The following ATP8B4 variants were observed in gnomAD, a reference collection of about 807,000 sequenced individuals.
The protein encoded by ATP8B4 is probable phospholipid-transporting ATPase IM.
ATP8B4 carries 133 observed loss-of-function variants against 145.6 expected under a neutral mutation model. The ratio of observed to expected loss-of-function variants is 0.91; its 90% CI spans 0.79 to 1.05. The LOEUF is 1.05. ATP8B4 is among the 50% of genes least tolerant of loss of function. ATP8B4 has a pLI of 0.00. For missense variants in ATP8B4, 1,458 were observed against 1,425.2 expected (o/e 1.02, Z -0.37); for synonymous variants, 507 against 492.9 (o/e 1.03, Z -0.38).
At chr15:49,997,351 C>T (rs955158601) in intron 8 of ATP8B4, among the ~76,000 whole-genome samples, 2 of 152,080 alleles carry the variant, frequency 1.3e-5, no homozygotes, top group African/African-American at 4.8e-5. Flanking sequence ...ACAGATGGCT[C>T]TCTGATATTC....
chr15:50,102,958 T>G (rs574985466), intron 2 of ATP8B4, among the ~76,000 whole-genome samples: 88 of 152,240 alleles, frequency 5.8e-4, no homozygotes, highest in African/African-American at 2.0e-3. Context: ...TCAATAAATG[T>G]GATACACCAC....
At chr15:50,029,019 G>T (rs2050214944) in intron 6 of ATP8B4, among the ~76,000 whole-genome samples, 1 of 151,948 alleles carries the variant, frequency 6.6e-6, no homozygotes, top group African/African-American at 2.4e-5. Context: ...CGGATCATGA[G>T]GTCAGGAGAT....
In ATP8B4 at chr15:50,139,769, G is replaced by T. The variant is rs578243064; in HGVS notation, c.-42-32761C>A. Among the ~76,000 whole-genome samples the T allele has an allele frequency of 3.3e-5, 5 of 152,280 alleles. No homozygotes were observed. In the South Asian group the frequency reaches 1.0e-3, roughly 32 times the overall value. On this transcript the variant is annotated intron_variant, in intron 1 of 3. Coordinates refer to the ATP8B4 transcript ENST00000558829. ...AAATTCACTGACTATCCTGGAATAT[G>T]CATATTAGGGGAAGTAACTTCATGA...
chr15:49,907,095 C>A (rs2038705640), intron 20 of ATP8B4, among the ~76,000 whole-genome samples: 1 of 152,174 alleles, frequency 6.6e-6, no homozygotes, highest in Non-Finnish European at 1.5e-5. Flanking sequence ...GGAAAGCCAA[C>A]AACAACCCTA....
intron 16 of ATP8B4, among the ~76,000 whole-genome samples, chr15:49,929,431 T>G (rs1379246306): frequency 6.6e-6 from 1 of 152,090 alleles, no homozygotes; most frequent in Non-Finnish European, 1.5e-5. Flanking sequence ...TAGAAAGAAC[T>G]ATAGTTGTGA....
rs1267221467 is a variant in ATP8B4 at position 50,085,962 on chromosome 15, T to TTTA, written c.29-11780_29-11778dup. ...TTATATATGATATATATCATATATA[T>TTTA]TTATATATGATATATCAAATATATC... is the stretch of plus-strand genomic sequence containing the variant. On this transcript the variant is annotated intron_variant, in intron 2 of 27. Coordinates refer to ENST00000284509, the MANE Select transcript of ATP8B4 (RefSeq NM_024837.4). Among the ~76,000 whole-genome samples, 12 of 55,274 alleles carry TTTA rather than the reference T, an allele frequency of 2.2e-4. 2 individuals are homozygous for TTTA. The highest frequency in any genetic ancestry group is 1.1e-3 in the African/African-American group (12 of 10,904). The allele number at this position is 55,274 out of a possible 152,430, so 36.3% of individuals were successfully genotyped here.
Position 49,920,281 on chromosome 15 carries a change from C to G in ATP8B4, c.1888G>C (p.Ala630Pro). Residue 630 changes from alanine (A) to proline (P), a missense_variant, in exon 18 of 28, where the codon GCT becomes CCT. Physicochemically the swap from Ala to Pro is conservative, Grantham distance 27. Coordinates refer to ENST00000284509, the MANE Select transcript of ATP8B4 (RefSeq NM_024837.4). Reference protein sequence around the residue: ...AATEERDERIAGLYEEIERDL... With the variant: ...AATEERDERIPGLYEEIERDL... ...CTTTCAATTTCTTCATATAGCCCAG[C>G]TATTCGTTCATCCCTCTCTTCTGTG... 1 of 1,614,182 alleles carries G rather than the reference C, an allele frequency of 6.2e-7. No homozygotes were observed. The highest frequency in any genetic ancestry group is 8.5e-7 in the Non-Finnish European group (1 of 1,180,026).
intron 2 of ATP8B4, among the ~76,000 whole-genome samples, chr15:50,085,902 CATATATATTTATATATGATATATATCAT>C (rs2054909504): frequency 9.2e-5 from 6 of 65,220 alleles, no homozygotes; most frequent in Non-Finnish European, 2.0e-4. Context: ...TGATATATAT[CATATATATTTATATATGATATATATCAT>C]ATATATTTAT....
Position 50,136,257 on chromosome 15 carries a change from T to G in ATP8B4, c.-42-29249A>C, listed in dbSNP as rs1268704380. 2.0e-5 allele frequency among the ~76,000 whole-genome samples: 3 copies of G among 152,154 alleles called. No homozygotes were observed. In the East Asian group the frequency reaches 5.8e-4, roughly 29 times the overall value. On this transcript the variant is annotated intron_variant, in intron 1 of 3. Coordinates refer to the ATP8B4 transcript ENST00000558829. ...ACAACACTGTCATATAATTTTTAGA[T>G]TTTTCAAAGACTTCAAAGTTCACAG...
intron 20 of ATP8B4, among the ~76,000 whole-genome samples, chr15:49,911,713 A>G (rs116033390): frequency 2.0e-3 from 312 of 152,296 alleles, no homozygotes; most frequent in African/African-American, 7.0e-3. Context: ...AGGACATTTT[A>G]TCCAACACTT....
At chr15:49,923,879 G>A (rs921153046) in intron 16 of ATP8B4, among the ~76,000 whole-genome samples, 1 of 152,148 alleles carries the variant, frequency 6.6e-6, no homozygotes, top group African/African-American at 2.4e-5. Flanking sequence ...AAGACCTGCT[G>A]TTCAAATCAG....
At chr15:49,916,615 T>G (rs981976470) in intron 20 of ATP8B4, among the ~76,000 whole-genome samples, 8 of 152,176 alleles carry the variant, frequency 5.3e-5, no homozygotes, top group African/African-American at 1.9e-4. Flanking sequence ...TACTGATCAC[T>G]CATCACCACG....
At chr15:49,862,447 T>C (rs904005455) in intron 26 of ATP8B4, 72 bp from the exon 27 acceptor site, 2 of 1,516,288 alleles carry the variant, frequency 1.3e-6, no homozygotes, top group Non-Finnish European at 1.8e-6. Context: ...AGGTTCTTTG[T>C]TCCTACAAGA....
chr15:50,088,291 A>T (rs2055353286), intron 2 of ATP8B4, among the ~76,000 whole-genome samples: 1 of 151,928 alleles, frequency 6.6e-6, no homozygotes. Flanking sequence ...GAATTGCTTG[A>T]ACCCGGGAGG....
intron 13 of ATP8B4, 102 bp from the exon 14 acceptor site, chr15:49,962,122 C>T: frequency 1.2e-6 from 1 of 827,328 alleles, no homozygotes; most frequent in Non-Finnish European, 1.9e-6. Flanking sequence ...ATCACCATTA[C>T]TAAATGGCAT....
chr15:49,957,785 G>C (rs915083715), intron 14 of ATP8B4, among the ~76,000 whole-genome samples: 4 of 151,706 alleles, frequency 2.6e-5, no homozygotes, highest in African/African-American at 9.7e-5. Context: ...CAATAAAACA[G>C]ACTTTGGAAT....
At chr15:49,998,367 G>C (rs371423895) in intron 8 of ATP8B4, among the ~76,000 whole-genome samples, 1 of 151,750 alleles carries the variant, frequency 6.6e-6, no homozygotes, top group African/African-American at 2.4e-5. Flanking sequence ...CAGTGTAAAA[G>C]TGTTCCTATT....
At chr15:50,074,099 A>G in intron 3 of ATP8B4, 28 bp downstream of exon 3, 1 of 1,593,368 alleles carries the variant, frequency 6.3e-7, no homozygotes, top group East Asian at 2.2e-5. Context: ...CTATCCTAGT[A>G]CGTATGTGTT....
At chr15:49,988,573 C>G (rs1035587795) in intron 9 of ATP8B4, among the ~76,000 whole-genome samples, 4 of 151,916 alleles carry the variant, frequency 2.6e-5, no homozygotes, top group Non-Finnish European at 2.9e-5. Context: ...CTCTCAAAAA[C>G]AAACAAACAA....
Sources: allele counts gnomAD v4.1 joint callset (sites outside exome capture counted in the v4.1 genomes callset), GRCh38; gene constraint gnomAD v4.1.1; transcripts MANE v1.5; gene names NCBI Gene and HGNC (gene_info 2026-07-23, HGNC 2026-07-21).